C16orf89: variants seen among roughly 807,000 people sequenced by gnomAD.
C16orf89 encodes the protein UPF0764 protein C16orf89.
In C16orf89, 57 loss-of-function variants were observed where a neutral mutation model predicts 41.5. The ratio of observed to expected loss-of-function variants is 1.38; its 90% confidence interval spans 1.11 to 1.71. C16orf89 has a LOEUF of 1.71. Ranked by LOEUF, C16orf89 falls within the 40% of genes most tolerant of loss-of-function variation. The probability of loss-of-function intolerance (pLI) is 0.00; values close to 1 mark genes in which losing one functional copy is unlikely to be tolerated. For synonymous variants in C16orf89, 223 were observed against 190.6 expected (o/e 1.17, Z -1.40); for missense variants, 575 against 445.9 (o/e 1.29, Z -2.61).
intron 6 of C16orf89, among the ~76,000 whole-genome samples, chr16:5,052,125 GA>G (rs1406274839): frequency 4.8e-5 from 7 of 145,988 alleles, no homozygotes; most frequent in African/African-American, 1.5e-4. Context: ...AAAAAAGAAG[GA>G]AAAAGAAAAG....
chr16:5,055,127 G>A, intron 6 of C16orf89, 119 bp downstream of exon 6: 1 of 885,822 alleles, frequency 1.1e-6, no homozygotes, highest in Non-Finnish European at 1.8e-6. Context: ...GCACCTGTAG[G>A]TTACAAATCC....
At chr16:5,062,597 C>T (rs1596706880) in intron 1 of C16orf89, 23 bp from the exon 2 acceptor site, 1 of 1,554,458 alleles carries the variant, frequency 6.4e-7, no homozygotes, top group East Asian at 2.3e-5. Flanking sequence ...AGAGTTAATT[C>T]ATTCAACTAT....
At chr16:5,062,616 G>C (rs985069260) in intron 1 of C16orf89, 42 bp from the exon 2 acceptor site, 4 of 1,524,076 alleles carry the variant, frequency 2.6e-6, no homozygotes, top group African/African-American at 1.4e-5. Flanking sequence ...ATTTGGAATC[G>C]GGACCTTTTT....
intron 1 of C16orf89, among the ~76,000 whole-genome samples, chr16:5,063,381 C>A (rs981495950): frequency 7.9e-5 from 12 of 152,116 alleles, no homozygotes; most frequent in Admixed American, 6.5e-5. Flanking sequence ...CAGGGAGGGG[C>A]TCCCTGTGTG....
chr16:5,065,469 A>T (rs183379104), intron 1 of C16orf89, among the ~76,000 whole-genome samples: 88 of 152,242 alleles, frequency 5.8e-4, no homozygotes, highest in African/African-American at 2.0e-3. Context: ...TAATTCCCAA[A>T]TCCCTTCCCA....
At chr16:5,053,415 G>C (rs905546423) in intron 6 of C16orf89, among the ~76,000 whole-genome samples, 1 of 152,070 alleles carries the variant, frequency 6.6e-6, no homozygotes, top group Non-Finnish European at 1.5e-5. Flanking sequence ...CTAGAGGTGG[G>C]GAGGGGGATG....
At chr16:5,060,755 T>A (rs1318358365) in intron 2 of C16orf89, among the ~76,000 whole-genome samples, 1 of 152,036 alleles carries the variant, frequency 6.6e-6, no homozygotes, top group African/African-American at 2.4e-5. Context: ...ATCCCAGCAC[T>A]TGGGGAGGCT....
At position 5,065,718 on chromosome 16, in the gene C16orf89, C is replaced by T. The variant is rs1490328439; in HGVS notation, c.191G>A (p.Gly64Glu). ...TCACTCACCTTCCAGCACTCGGACC[C>T]CCACCATGCCATCCAGGTTGATTTC... ...LPEINLDGMV[G>E]VRVLEEQLKS... The change falls in exon 1 of 8, where the codon GGG becomes GAG. Residue 64 changes from glycine (G) to glutamate (E), a missense_variant. Gly to Glu is a moderately conservative substitution (Grantham distance 98, BLOSUM62 -2). Coordinates refer to ENST00000472572, the MANE Select transcript of C16orf89 (RefSeq NM_001098514.3). 1 of 1,613,716 alleles carries T rather than the reference C, an allele frequency of 6.2e-7. No individual in the cohort carries two copies. The highest frequency in any genetic ancestry group is 1.1e-5 in the South Asian group (1 of 91,076).
At chr16:5,057,748 C>T (rs1415820353) in intron 4 of C16orf89, among the ~76,000 whole-genome samples, 1 of 151,818 alleles carries the variant, frequency 6.6e-6, no homozygotes, top group Non-Finnish European at 1.5e-5. Context: ...AGGCTGGTCT[C>T]GAACTCCTGA....
In C16orf89 at chr16:5,054,654, C is replaced by A. The variant is rs558808547; in HGVS notation, c.868+592G>T. On this transcript the variant is annotated intron_variant, in intron 6 of 7. Coordinates refer to ENST00000472572, the MANE Select transcript of C16orf89 (RefSeq NM_001098514.3). ...TGCTGATGTGGTTTGGCTGTGTCCC[C>A]ACCCAAGTCTCATCTTGAATTGTAG... 2.2e-4 allele frequency among the ~76,000 whole-genome samples: 34 copies of A among 152,302 alleles called. No homozygotes were observed. In the South Asian group the frequency reaches 7.0e-3, roughly 32 times the overall value.
intron 6 of C16orf89, among the ~76,000 whole-genome samples, chr16:5,052,667 A>C (rs1303818564): frequency 6.6e-6 from 1 of 152,212 alleles, no homozygotes; most frequent in Non-Finnish European, 1.5e-5. Flanking sequence ...GAACTCTTAC[A>C]CACAGTTGAT....
chr16:5,059,647 G>A (rs566354510), intron 3 of C16orf89, among the ~76,000 whole-genome samples: 7 of 152,232 alleles, frequency 4.6e-5, no homozygotes, highest in East Asian at 2.0e-4. Flanking sequence ...CTGCCCTGGG[G>A]CCTTGTTCCA....
intron 6 of C16orf89, among the ~76,000 whole-genome samples, chr16:5,050,162 G>A (rs557411998): frequency 8.9e-4 from 136 of 152,252 alleles, no homozygotes; most frequent in African/African-American, 3.0e-3. Flanking sequence ...GAGGTCAGGA[G>A]TTCGAGACCA....
chr16:5,062,114 G>A (rs1310018825), intron 2 of C16orf89, among the ~76,000 whole-genome samples: 1 of 152,216 alleles, frequency 6.6e-6, no homozygotes, highest in Non-Finnish European at 1.5e-5. Flanking sequence ...TCTCCCCTCT[G>A]GGACAGCCCA....
chr16:5,049,477 TA>T (rs1400468270), intron 6 of C16orf89, among the ~76,000 whole-genome samples: 1 of 152,218 alleles, frequency 6.6e-6, no homozygotes, highest in African/African-American at 2.4e-5. Context: ...TCAGCAAATT[TA>T]AAAGAATTTA....
In C16orf89 at chr16:5,058,599, CTGCTGTCCG is replaced by C; in HGVS notation, c.512_520del (p.Thr171_Ser173del). 1 of 1,611,236 alleles carries C rather than the reference CTGCTGTCCG, an allele frequency of 6.2e-7. No homozygotes were observed. The highest frequency in any genetic ancestry group is 8.5e-7 in the Non-Finnish European group (1 of 1,179,076). On this transcript the variant is annotated inframe_deletion and splice_region_variant, in exon 4 of 8. Coordinates refer to ENST00000472572, the MANE Select transcript of C16orf89 (RefSeq NM_001098514.3). ...GAGGTCTGAGAGGCCGCAGGGCTCG[CTGCTGTCCG>C]TCCTGGGGGAAAGTGGTTCCAAGCT...
At chr16:5,058,777 A>G (rs957836985) in intron 3 of C16orf89, among the ~76,000 whole-genome samples, 167 bp from the exon 4 acceptor site, 1 of 152,074 alleles carries the variant, frequency 6.6e-6, no homozygotes, top group Admixed American at 6.6e-5. Context: ...GATTTGCTAA[A>G]TCTGGCTGCC....
chr16:5,045,297 C>G (rs1281691457), intron 7 of C16orf89, among the ~76,000 whole-genome samples: 2 of 152,208 alleles, frequency 1.3e-5, no homozygotes, highest in African/African-American at 2.4e-5. Flanking sequence ...ATTTCCTGAC[C>G]CCAGTGGCCT....
At chr16:5,045,474 G>A (rs1028268858) in intron 7 of C16orf89, among the ~76,000 whole-genome samples, 1 of 152,200 alleles carries the variant, frequency 6.6e-6, no homozygotes, top group African/African-American at 2.4e-5. Context: ...TCTGCTTGTG[G>A]AAGGGAGCCA....
Sources: gnomAD v4.1 joint callset for allele counts (sites outside exome capture counted in the v4.1 genomes callset) on GRCh38, gnomAD v4.1.1 for gene constraint, MANE v1.5 for transcripts, NCBI Gene and HGNC (gene_info 2026-07-23, HGNC 2026-07-21) for gene names.